MOB3B: variants seen among roughly 807,000 people sequenced by gnomAD.
MOB3B encodes MOB kinase activator 3B, also known as MOB kinase activator-like 2B.
In MOB3B, 7 loss-of-function variants were observed where a neutral mutation model predicts 18.7. The observed-to-expected ratio is 0.37, with a 90% CI of 0.21 to 0.70. The LOEUF (loss-of-function observed/expected upper bound fraction) is 0.70, where lower values mean the gene tolerates loss of function less well. Among genes scored for constraint, MOB3B ranks in the 30% least tolerant of loss-of-function variants. The probability of loss-of-function intolerance (pLI) is 0.52; values close to 1 mark genes in which losing one functional copy is unlikely to be tolerated. For synonymous variants in MOB3B, 111 were observed against 99.9 expected, an observed-to-expected ratio of 1.11 and a Z score of -0.66; for missense variants, 253 against 281.3, an observed-to-expected ratio of 0.90 and a Z score of 0.72.
chr9:27,441,998 T>C (rs1016765474), intron 2 of MOB3B, among the ~76,000 whole-genome samples: 1 of 152,192 alleles, frequency 6.6e-6, no homozygotes, highest in Non-Finnish European at 1.5e-5. Flanking sequence ...TTGCCTTCTG[T>C]TAAACCAGAC....
intron 1 of MOB3B, among the ~76,000 whole-genome samples, chr9:27,488,678 G>T (rs1033557761): frequency 3.3e-5 from 5 of 152,148 alleles, no homozygotes; most frequent in Non-Finnish European, 2.9e-5. Context: ...AAAGTGCTGG[G>T]ATTACAGGTG....
intron 2 of MOB3B, among the ~76,000 whole-genome samples, chr9:27,383,812 A>C (rs961485350): frequency 2.0e-5 from 3 of 152,220 alleles, no homozygotes; most frequent in Non-Finnish European, 4.4e-5. Context: ...GTGGGTACTT[A>C]TTAAATGGTT....
chr9:27,380,120 C>T (rs1241130444), intron 2 of MOB3B, among the ~76,000 whole-genome samples: 1 of 152,140 alleles, frequency 6.6e-6, no homozygotes, highest in Non-Finnish European at 1.5e-5. Context: ...TGTCTAAATC[C>T]TCACCCACCA....
At chr9:27,351,823 A>G (rs1348430890) in intron 3 of MOB3B, among the ~76,000 whole-genome samples, 3 of 152,212 alleles carry the variant, frequency 2.0e-5, no homozygotes, top group African/African-American at 7.2e-5. Context: ...ACATGAGGTC[A>G]GTGTATTCTG....
chr9:27,422,879 T>C (rs1587201954), intron 2 of MOB3B, among the ~76,000 whole-genome samples: 1 of 152,228 alleles, frequency 6.6e-6, no homozygotes, highest in African/African-American at 2.4e-5. Flanking sequence ...GTCCTGAATC[T>C]AGACAGAAAA....
At chr9:27,524,807 G>C (rs752524904) in intron 1 of MOB3B, 1 of 1,614,072 alleles carries the variant, frequency 6.2e-7, no homozygotes, top group Non-Finnish European at 8.5e-7. Flanking sequence ...TCCCCCAGCT[G>C]AGCAGCCTGG....
intron 1 of MOB3B, among the ~76,000 whole-genome samples, chr9:27,474,029 T>C (rs1189298417): frequency 6.6e-6 from 1 of 152,184 alleles, no homozygotes; most frequent in Non-Finnish European, 1.5e-5. Flanking sequence ...ACCCTGATAT[T>C]GGATTTCCAG....
intron 2 of MOB3B, among the ~76,000 whole-genome samples, chr9:27,444,979 T>C (rs986028692): frequency 6.6e-6 from 1 of 152,232 alleles, no homozygotes; most frequent in Non-Finnish European, 1.5e-5. Flanking sequence ...CAACTGATAT[T>C]CTAATGGATG....
At chr9:27,416,255 C>A (rs181911286) in intron 2 of MOB3B, among the ~76,000 whole-genome samples, 1 of 151,706 alleles carries the variant, frequency 6.6e-6, no homozygotes. Context: ...TATAGGTATG[C>A]TTAAGGATCA....
At chr9:27,352,835 G>C (rs1338735772) in intron 3 of MOB3B, among the ~76,000 whole-genome samples, 1 of 152,156 alleles carries the variant, frequency 6.6e-6, no homozygotes, top group African/African-American at 2.4e-5. Flanking sequence ...AGTTAAATTG[G>C]GCGGGCTACA....
intron 1 of MOB3B, among the ~76,000 whole-genome samples, chr9:27,520,992 ATGCCAACCATCTTTCCTTCTT>A (rs538479520): frequency 2.4e-4 from 37 of 152,336 alleles, no homozygotes; most frequent in African/African-American, 8.7e-4. Context: ...ACAGATGTGT[ATGCCAACCATCTTTCCTTCTT>A]TGTCATGAAT....
chr9:27,344,158 G>A (rs966238811), intron 3 of MOB3B, among the ~76,000 whole-genome samples: 3 of 149,338 alleles, frequency 2.0e-5, no homozygotes, highest in African/African-American at 7.3e-5. Flanking sequence ...AAGCTTCAAG[G>A]AAGAAGATTT....
At chr9:27,495,998 T>C (rs1176363412) in intron 1 of MOB3B, among the ~76,000 whole-genome samples, 1 of 152,228 alleles carries the variant, frequency 6.6e-6, no homozygotes, top group Non-Finnish European at 1.5e-5. Flanking sequence ...GCTGGCAGCA[T>C]ACTGTTATAA....
At chr9:27,348,783 G>C (rs944613985) in intron 3 of MOB3B, among the ~76,000 whole-genome samples, 3 of 152,212 alleles carry the variant, frequency 2.0e-5, no homozygotes, top group Admixed American at 6.5e-5. Flanking sequence ...ACTCTAGTCT[G>C]TAGAAGATAC....
At chr9:27,337,032 G>T (rs1470171335) in intron 3 of MOB3B, among the ~76,000 whole-genome samples, 1 of 152,172 alleles carries the variant, frequency 6.6e-6, no homozygotes, top group African/African-American at 2.4e-5. Flanking sequence ...TACCGGCCCC[G>T]TGCCCGAGCT....
chr9:27,443,376 A>T (rs2764329), intron 2 of MOB3B, among the ~76,000 whole-genome samples: 60,429 of 151,942 alleles, frequency 0.4, 12,463 homozygotes, highest in African/African-American at 0.51. Context: ...TTCATCCTGT[A>T]CTCTATTATT....
At chr9:27,342,804 C>A (rs1284728281) in intron 3 of MOB3B, among the ~76,000 whole-genome samples, 1 of 151,694 alleles carries the variant, frequency 6.6e-6, no homozygotes, top group Non-Finnish European at 1.5e-5. Flanking sequence ...GTGGCCTGAT[C>A]TCCGCTCGCT....
chr9:27,475,711 T>C (rs1251280507), intron 1 of MOB3B, among the ~76,000 whole-genome samples: 1 of 152,226 alleles, frequency 6.6e-6, no homozygotes, highest in Non-Finnish European at 1.5e-5. Context: ...CACCCAGTGT[T>C]CTCATTTCAG....
intron 1 of MOB3B, among the ~76,000 whole-genome samples, chr9:27,468,723 T>C (rs779043224): frequency 6.6e-6 from 1 of 152,238 alleles, no homozygotes; most frequent in South Asian, 2.1e-4. Context: ...GTGGTTAAAC[T>C]GTGTATCTAA....
Sources: allele counts gnomAD v4.1 joint callset (sites outside exome capture counted in the v4.1 genomes callset), GRCh38; gene constraint gnomAD v4.1.1; transcripts MANE v1.5; gene names NCBI Gene and HGNC (gene_info 2026-07-23, HGNC 2026-07-21).